The following ATPAF2 variants were observed in gnomAD, a reference collection of about 807,000 sequenced individuals.
ATPAF2 encodes the protein ATP12 homolog.
ATPAF2 carries 30 observed loss-of-function variants against 36.6 expected under a neutral mutation model. The ratio of observed to expected loss-of-function variants is 0.82; its 90% CI spans 0.61 to 1.11. The LOEUF is 1.11. Ranked by LOEUF, ATPAF2 falls within the 50% of genes most tolerant of loss-of-function variation. ATPAF2 has a pLI of 0.00. For synonymous variants in ATPAF2, 140 were observed against 152.6 expected, an observed-to-expected ratio of 0.92 and a Z score of 0.61; for missense variants, 321 against 372.3, an observed-to-expected ratio of 0.86 and a Z score of 1.13.
At chr17:18,031,891 G>A (rs1199273786) in intron 1 of ATPAF2, among the ~76,000 whole-genome samples, 1 of 152,130 alleles carries the variant, frequency 6.6e-6, no homozygotes, top group Non-Finnish European at 1.5e-5. Context: ...TCATACGTTT[G>A]ACACTAAAAT....
intron 1 of ATPAF2, among the ~76,000 whole-genome samples, chr17:18,033,145 G>A (rs1047257295): frequency 1.3e-5 from 2 of 152,060 alleles, no homozygotes; most frequent in African/African-American, 4.8e-5. Flanking sequence ...GAGGGGGACA[G>A]ATCACTTAAA....
intron 3 of ATPAF2, among the ~76,000 whole-genome samples, chr17:18,027,653 C>G (rs2044567211): frequency 6.6e-6 from 1 of 152,220 alleles, no homozygotes; most frequent in African/African-American, 2.4e-5. Flanking sequence ...CCTTCCTTCC[C>G]CAGGCAGCCT....
chr17:18,015,390 T>A (rs2044321972), downstream of ATPAF2: 1 of 152,316 alleles, frequency 6.6e-6, no homozygotes, highest in South Asian at 2.1e-4. Context: ...TCAGTGGCCT[T>A]GCCCTGCTCT....
intron 4 of ATPAF2, chr17:18,025,689 T>C (rs1372465256): frequency 1.3e-5 from 2 of 158,880 alleles, no homozygotes; most frequent in Non-Finnish European, 2.8e-5. Context: ...CTCCCTGCAA[T>C]CAAGTGAACC....
chr17:18,038,804 C>G (rs2044744988), intron 1 of ATPAF2, 77 bp downstream of exon 1: 1 of 1,592,120 alleles, frequency 6.3e-7, no homozygotes, highest in Non-Finnish European at 8.6e-7. Flanking sequence ...TCAGTTACTT[C>G]GCTTTGCACA....
chr17:18,017,170 T>C (rs1159404617), downstream of ATPAF2, among the ~76,000 whole-genome samples: 517 of 33,660 alleles, frequency 0.015, 7 homozygotes, highest in African/African-American at 0.059. Context: ...AGACTTCGTC[T>C]CAAAAAAAAA....
At chr17:18,035,691 T>C (rs1391793046) in intron 1 of ATPAF2, among the ~76,000 whole-genome samples, 1 of 152,236 alleles carries the variant, frequency 6.6e-6, no homozygotes, top group Non-Finnish European at 1.5e-5. Context: ...GTAGTGAAAG[T>C]AGCCATAGAT....
intron 3 of ATPAF2, 54 bp downstream of exon 3, chr17:18,028,178 C>G: frequency 6.2e-7 from 1 of 1,612,816 alleles, no homozygotes; most frequent in Non-Finnish European, 8.5e-7. Context: ...AGGGTCTACC[C>G]TACGAAGCCC....
chr17:18,019,185 A>ACACACACACG (rs1313379853), intron 7 of ATPAF2, among the ~76,000 whole-genome samples: 1 of 146,238 alleles, frequency 6.8e-6, no homozygotes, highest in Non-Finnish European at 1.5e-5. Context: ...ACACACACAC[A>ACACACACACG]CCCCACCACC....
rs11652819 is a variant in ATPAF2, at chr17:18,018,847, C to T, written c.733-161G>A. ...AGGGGGAGGTGGCAGGTAAGAACAC[C>T]CAGGTACGCCAGACACGGTGGCTCA... is the stretch of plus-strand genomic sequence containing the variant. On this transcript the variant is annotated intron_variant, in intron 7 of 7. Coordinates refer to ENST00000474627, the MANE Select transcript of ATPAF2 (RefSeq NM_145691.4). Among the ~76,000 whole-genome samples, 6,213 of 152,176 alleles carry T rather than the reference C, an allele frequency of 0.041. 148 individuals carry two copies. Among genetic ancestry groups the T allele is most frequent in the Middle Eastern group, 0.051 (15 of 294 alleles).
chr17:18,024,126 A>G (rs1023747968), intron 5 of ATPAF2, among the ~76,000 whole-genome samples: 7 of 152,286 alleles, frequency 4.6e-5, no homozygotes, highest in African/African-American at 1.7e-4. Context: ...TTGAACATTT[A>G]CTGTGTGCTA....
chr17:18,038,778 G>T, intron 1 of ATPAF2, 103 bp downstream of exon 1: 1 of 1,536,548 alleles, frequency 6.5e-7, no homozygotes, highest in South Asian at 1.1e-5. Context: ...ATAACCTCAT[G>T]AGCCTGAACC....
chr17:18,031,697 G>A (rs909930994), intron 1 of ATPAF2, among the ~76,000 whole-genome samples: 5 of 152,004 alleles, frequency 3.3e-5, no homozygotes, highest in African/African-American at 7.2e-5. Context: ...GGAGAATGGC[G>A]TGAACCCGGG....
chr17:18,031,919 C>G (rs1210270449), intron 1 of ATPAF2, among the ~76,000 whole-genome samples: 1 of 152,198 alleles, frequency 6.6e-6, no homozygotes, highest in African/African-American at 2.4e-5. Context: ...TTACAGCACC[C>G]TACTGCTTTT....
intron 1 of ATPAF2, among the ~76,000 whole-genome samples, chr17:18,035,287 A>AG (rs1458033630): frequency 6.6e-6 from 1 of 152,218 alleles, no homozygotes; most frequent in Non-Finnish European, 1.5e-5. Flanking sequence ...TAAGTGAAAA[A>AG]GTCAGTCAAA....
At chr17:18,034,723 T>G (rs1397306315) in intron 1 of ATPAF2, among the ~76,000 whole-genome samples, 1 of 152,206 alleles carries the variant, frequency 6.6e-6, no homozygotes, top group Admixed American at 6.5e-5. Context: ...AATTCTACTC[T>G]TAGGTATATG....
rs527775277 is a variant in ATPAF2 at position 18,018,479 on chromosome 17, G to C, written c.*70C>G. On this transcript the variant is annotated 3_prime_UTR_variant, in exon 8 of 8. Coordinates refer to ENST00000474627, the MANE Select transcript of ATPAF2 (RefSeq NM_145691.4). ...CCAAGGAAGCCAGCCCCACAGGCTG[G>C]GGAGCCCTGAAGGCCGGGGGAGCTG... is the stretch of plus-strand genomic sequence containing the variant. 55 of 1,602,116 alleles carry C rather than the reference G, an allele frequency of 3.4e-5. No individual in the cohort carries two copies. In the African/African-American group the frequency reaches 6.0e-4, roughly 17 times the overall value.
At chr17:18,030,011 C>G (rs1384062827) in intron 1 of ATPAF2, among the ~76,000 whole-genome samples, 1 of 151,106 alleles carries the variant, frequency 6.6e-6, no homozygotes, top group Non-Finnish European at 1.5e-5. Flanking sequence ...AACATGAGAC[C>G]CCATCTCTAC....
chr17:18,024,516 A>C, intron 5 of ATPAF2, 108 bp downstream of exon 5: 1 of 919,354 alleles, frequency 1.1e-6, no homozygotes, highest in Admixed American at 1.9e-5. Context: ...CTGAAATCAG[A>C]AAGCTGACTA....
Sources: gnomAD v4.1 joint callset for allele counts (sites outside exome capture counted in the v4.1 genomes callset) on GRCh38, gnomAD v4.1.1 for gene constraint, MANE v1.5 for transcripts, NCBI Gene and HGNC (gene_info 2026-07-23, HGNC 2026-07-21) for gene names.